ASTN2: variants seen among roughly 807,000 people sequenced by gnomAD.
ASTN2 encodes the protein astrotactin 2.
Under a neutral mutation model 139.8 loss-of-function variants are expected in ASTN2, and 54 were observed. The ratio of observed to expected loss-of-function variants is 0.39; its 90% CI spans 0.31 to 0.48. The LOEUF (loss-of-function observed/expected upper bound fraction) is 0.48, where lower values mean the gene tolerates loss of function less well. Ranked by LOEUF, ASTN2 falls within the 20% of genes least tolerant of loss-of-function variation. The probability of loss-of-function intolerance (pLI) is 0.95; values close to 1 mark genes in which losing one functional copy is unlikely to be tolerated. For synonymous variants in ASTN2, 756 were observed against 719.5 expected (o/e 1.05, Z -0.81); for missense variants, 1,565 against 1,725.1 (o/e 0.91, Z 1.64).
chr9:116,664,139 C>T (rs1009591582), intron 16 of ASTN2, among the ~76,000 whole-genome samples: 4 of 151,998 alleles, frequency 2.6e-5, no homozygotes, highest in South Asian at 2.1e-4. Context: ...CAGTGGGGTA[C>T]TATATACCTA....
intron 5 of ASTN2, among the ~76,000 whole-genome samples, chr9:117,073,387 T>C (rs1434504829): frequency 6.6e-6 from 1 of 152,154 alleles, no homozygotes; most frequent in East Asian, 1.9e-4. Context: ...ATATCATCTA[T>C]TTCAGGGAAT....
intron 4 of ASTN2, among the ~76,000 whole-genome samples, chr9:117,115,883 G>A (rs1029067766): frequency 1.3e-5 from 2 of 151,766 alleles, no homozygotes; most frequent in Non-Finnish European, 2.9e-5. Flanking sequence ...AAATTAGCTG[G>A]GCGTAGTGGT....
chr9:116,992,806 G>A (rs991985304), intron 7 of ASTN2, among the ~76,000 whole-genome samples: 2 of 152,188 alleles, frequency 1.3e-5, no homozygotes, highest in Non-Finnish European at 1.5e-5. Flanking sequence ...ATAGACAGCA[G>A]CTTCTTTTGC....
intron 20 of ASTN2, among the ~76,000 whole-genome samples, chr9:116,484,268 A>C (rs944188074): frequency 2.6e-5 from 4 of 152,174 alleles, no homozygotes; most frequent in Non-Finnish European, 5.9e-5. Flanking sequence ...GAGTTTTCAA[A>C]GTCAACTCTC....
rs183165708 is a variant in ASTN2, at chr9:116,759,507, C to T, written c.2397-25984G>A. Among the ~76,000 whole-genome samples, 24 of 152,216 alleles carry T rather than the reference C, an allele frequency of 1.6e-4. No individual in the cohort carries two copies. In the East Asian group the frequency reaches 4.1e-3, roughly 26 times the overall value. On this transcript the variant is annotated intron_variant, in intron 13 of 22. Coordinates refer to ENST00000313400, the MANE Select transcript of ASTN2 (RefSeq NM_001365068.1). Reference sequence around the variant, plus strand: ...CTGCTACCAGTGCCTGTTTTCACAACCATGCTCTTCTCTTCTGGGTCACTG... The same window carrying T: ...CTGCTACCAGTGCCTGTTTTCACAATCATGCTCTTCTCTTCTGGGTCACTG...
chr9:117,034,640 A>G (rs1838332878), intron 6 of ASTN2, among the ~76,000 whole-genome samples: 1 of 152,170 alleles, frequency 6.6e-6, no homozygotes, highest in Admixed American at 6.5e-5. Flanking sequence ...CTTGTAAAGA[A>G]TATTAATATG....
At chr9:116,527,173 G>C (rs1851132966) in intron 19 of ASTN2, among the ~76,000 whole-genome samples, 1 of 151,882 alleles carries the variant, frequency 6.6e-6, no homozygotes, top group Non-Finnish European at 1.5e-5. Context: ...CACAACAAAG[G>C]CAAAAATAAA....
chr9:117,121,950 C>T (rs550053355), intron 4 of ASTN2, among the ~76,000 whole-genome samples: 3 of 152,168 alleles, frequency 2.0e-5, no homozygotes, highest in African/African-American at 7.2e-5. Context: ...CCCCAAGATC[C>T]AATACCATCC....
intron 19 of ASTN2, among the ~76,000 whole-genome samples, chr9:116,604,459 C>T (rs537618592): frequency 6.6e-6 from 1 of 152,198 alleles, no homozygotes; most frequent in East Asian, 1.9e-4. Context: ...TCACCCCCAC[C>T]CCCCAATTCT....
At chr9:117,395,449 C>A (rs79072012) in intron 1 of ASTN2, among the ~76,000 whole-genome samples, 1 of 152,318 alleles carries the variant, frequency 6.6e-6, no homozygotes, top group African/African-American at 2.4e-5. Flanking sequence ...TTATACTCTG[C>A]ACCTCATAAA....
chr9:116,431,564 G>A (rs1403281506), intron 22 of ASTN2, among the ~76,000 whole-genome samples: 2 of 149,474 alleles, frequency 1.3e-5, no homozygotes, highest in Non-Finnish European at 2.9e-5. Flanking sequence ...CTGCTGAGCT[G>A]AAAGCAGGAA....
chr9:117,200,256 G>A (rs530356730), intron 3 of ASTN2, among the ~76,000 whole-genome samples: 4 of 122,156 alleles, frequency 3.3e-5, no homozygotes, highest in Non-Finnish European at 3.4e-5. Context: ...AACAGTCCCC[G>A]GTGTGTGATG....
intron 10 of ASTN2, among the ~76,000 whole-genome samples, chr9:116,883,556 C>T (rs1468301395): frequency 2.0e-5 from 3 of 152,150 alleles, no homozygotes; most frequent in African/African-American, 7.2e-5. Flanking sequence ...TCTTGTTTTC[C>T]TCTGACTTAC....
At chr9:116,690,402 A>G (rs1860505839) in intron 16 of ASTN2, among the ~76,000 whole-genome samples, 1 of 152,184 alleles carries the variant, frequency 6.6e-6, no homozygotes, top group Non-Finnish European at 1.5e-5. Context: ...CCTATGTTAC[A>G]TTATAGTAGT....
At chr9:116,757,404 T>C (rs1283656743) in intron 13 of ASTN2, among the ~76,000 whole-genome samples, 3 of 152,158 alleles carry the variant, frequency 2.0e-5, no homozygotes, top group Non-Finnish European at 4.4e-5. Flanking sequence ...ACGGTGGGCA[T>C]GGGTGTCACA....
intron 22 of ASTN2, among the ~76,000 whole-genome samples, chr9:116,430,029 G>A (rs1847446075): frequency 6.6e-6 from 1 of 152,194 alleles, no homozygotes; most frequent in African/African-American, 2.4e-5. Context: ...AGGGAGACCA[G>A]TGAGCTTGGC....
At chr9:117,207,844 C>A (rs1010555644) in intron 3 of ASTN2, among the ~76,000 whole-genome samples, 5 of 152,190 alleles carry the variant, frequency 3.3e-5, no homozygotes, top group African/African-American at 4.8e-5. Flanking sequence ...GCACCACCAT[C>A]ACCACAAACT....
At chr9:116,807,699 G>T (rs965932838) in intron 12 of ASTN2, among the ~76,000 whole-genome samples, 1 of 152,006 alleles carries the variant, frequency 6.6e-6, no homozygotes, top group Non-Finnish European at 1.5e-5. Context: ...ATGGAGAAAT[G>T]GTTTACTGGG....
chr9:116,847,020 A>C (rs866334580), intron 11 of ASTN2, among the ~76,000 whole-genome samples: 4,958 of 134,976 alleles, frequency 0.037, 273 homozygotes, highest in African/African-American at 0.11. Flanking sequence ...AAAAAAAAAA[A>C]AAAAAACAAA....
Sources: allele counts gnomAD v4.1 joint callset (sites outside exome capture counted in the v4.1 genomes callset), GRCh38; gene constraint gnomAD v4.1.1; transcripts MANE v1.5; gene names NCBI Gene and HGNC (gene_info 2026-07-23, HGNC 2026-07-21).